SRL: variants seen among roughly 807,000 people sequenced by gnomAD.
The protein encoded by SRL is sarcalumenin.
A neutral mutation model predicts 39.5 loss-of-function variants in SRL; 23 were observed. The observed-to-expected ratio is 0.58, with a 90% CI of 0.42 to 0.82. SRL has a LOEUF of 0.82. Ranked by LOEUF, SRL falls within the 40% of genes least tolerant of loss-of-function variation. The pLI, the probability that SRL is intolerant of heterozygous loss-of-function variation, is 0.00. For synonymous variants in SRL, 272 were observed against 237.4 expected, an observed-to-expected ratio of 1.15 and a Z score of -1.34; for missense variants, 592 against 607.8, an observed-to-expected ratio of 0.97 and a Z score of 0.27.
chr16:4,225,665 T>C (rs1320410797), intron 1 of SRL, among the ~76,000 whole-genome samples: 3 of 152,160 alleles, frequency 2.0e-5, no homozygotes, highest in Admixed American at 1.3e-4. Flanking sequence ...CAACCATTTC[T>C]TAACACCCCT....
At chr16:4,228,436 GAAAC>G (rs1228447455) in intron 1 of SRL, among the ~76,000 whole-genome samples, 1 of 150,470 alleles carries the variant, frequency 6.6e-6, no homozygotes, top group East Asian at 2.0e-4. Flanking sequence ...ACTCCACCTT[GAAAC>G]AAACAAACAA....
intron 1 of SRL, among the ~76,000 whole-genome samples, chr16:4,223,231 CA>C (rs34513855): frequency 0.38 from 36,180 of 96,016 alleles, 4,502 homozygotes; most frequent in Middle Eastern, 0.48. Context: ...AACTCTGTCT[CA>C]AAAAAAAAAA....
intron 5 of SRL, among the ~76,000 whole-genome samples, chr16:4,194,577 TG>T (rs2052111147): frequency 6.6e-6 from 1 of 152,274 alleles, no homozygotes; most frequent in Non-Finnish European, 1.5e-5. Context: ...TCAAACATAC[TG>T]GTACTGGGAT....
chr16:4,215,422 A>G (rs543006733), intron 1 of SRL, among the ~76,000 whole-genome samples: 1 of 152,370 alleles, frequency 6.6e-6, no homozygotes, highest in South Asian at 2.1e-4. Context: ...TGACAAAGGT[A>G]GCAATCAGAA....
At chr16:4,229,518 T>C (rs1301788184) in intron 1 of SRL, among the ~76,000 whole-genome samples, 1 of 151,976 alleles carries the variant, frequency 6.6e-6, no homozygotes, top group Non-Finnish European at 1.5e-5. Context: ...CCCAAGCGAA[T>C]TAAGGCAGAA....
rs555911990 is a variant in SRL at position 4,230,547 on chromosome 16, A to ATT, written c.61+11458_61+11459dup. On this transcript the variant is annotated intron_variant, in intron 1 of 5. Transcript: ENST00000399609. ...AGGCGGGCACCACTATGACTGGCTA[A>ATT]TTTTTTTTTTTTTGTATCTTTAGTA... 6.1e-3 allele frequency among the ~76,000 whole-genome samples: 885 copies of ATT among 144,486 alleles called. 11 individuals carry two copies. Among genetic ancestry groups the ATT allele is most frequent in the African/African-American group, 0.021 (809 of 39,428 alleles). 94.8% of individuals were successfully genotyped at this position (144,486 alleles called of 152,430 possible).
intron 3 of SRL, among the ~76,000 whole-genome samples, chr16:4,198,859 G>A (rs988547132): frequency 1.3e-5 from 2 of 152,148 alleles, no homozygotes; most frequent in Non-Finnish European, 2.9e-5. Context: ...ATGTCCTTCC[G>A]AAGGCCATGT....
chr16:4,235,487 G>T (rs999701882), intron 1 of SRL, among the ~76,000 whole-genome samples: 1 of 152,178 alleles, frequency 6.6e-6, no homozygotes, highest in East Asian at 1.9e-4. Context: ...CTTGAGCCCA[G>T]GAGTTTGAGA....
At chr16:4,197,524 C>G (rs1169896435) in intron 4 of SRL, among the ~76,000 whole-genome samples, 1 of 148,870 alleles carries the variant, frequency 6.7e-6, no homozygotes, top group Non-Finnish European at 1.5e-5. Context: ...TAGGTTCAAG[C>G]AATTCTCATG....
chr16:4,214,288 G>A (rs977507427), intron 1 of SRL, among the ~76,000 whole-genome samples: 14 of 152,224 alleles, frequency 9.2e-5, no homozygotes, highest in East Asian at 1.9e-4. Context: ...ACAAGTACCT[G>A]CCAAGGTTAT....
intron 1 of SRL, 71 bp downstream of exon 1, chr16:4,241,934 CAT>C: frequency 6.4e-7 from 1 of 1,563,906 alleles, no homozygotes; most frequent in South Asian, 1.1e-5. Flanking sequence ...CTACCCAACC[CAT>C]GGTAGACAGA....
At chr16:4,211,033 C>G (rs2052385955) in intron 1 of SRL, among the ~76,000 whole-genome samples, 1 of 152,164 alleles carries the variant, frequency 6.6e-6, no homozygotes, top group South Asian at 2.1e-4. Flanking sequence ...CACTGCCTCA[C>G]AAACTGCCCC....
chr16:4,228,209 CAGGTGGATCACGAGGT>C (rs2052613357), intron 1 of SRL, among the ~76,000 whole-genome samples: 2 of 120,044 alleles, frequency 1.7e-5, no homozygotes, highest in Admixed American at 1.7e-4. Flanking sequence ...AAGACTGAGG[CAGGTGGATCACGAGGT>C]CAGGAGTTCA....
chr16:4,220,524 C>T (rs2141054932), intron 1 of SRL, among the ~76,000 whole-genome samples: 1 of 152,284 alleles, frequency 6.6e-6, no homozygotes, highest in East Asian at 1.9e-4. Context: ...TCCCCAGACC[C>T]CTTAACCCCA....
chr16:4,216,474 G>T (rs982633165), intron 1 of SRL, among the ~76,000 whole-genome samples: 1 of 152,010 alleles, frequency 6.6e-6, no homozygotes, highest in South Asian at 2.1e-4. Context: ...GTTTCACCAC[G>T]TTTGCCAGGC....
At chr16:4,238,674 G>C (rs113116269) in intron 1 of SRL, among the ~76,000 whole-genome samples, 1 of 150,964 alleles carries the variant, frequency 6.6e-6, no homozygotes, top group South Asian at 2.1e-4. Flanking sequence ...ACCCAGGCTG[G>C]AGTCAGTGAT....
chr16:4,228,579 C>CA (rs1184072901), intron 1 of SRL, among the ~76,000 whole-genome samples: 18 of 150,982 alleles, frequency 1.2e-4, no homozygotes, highest in South Asian at 2.1e-4. Context: ...ACTAAAAATA[C>CA]AAAAAATTAG....
Position 4,190,089 on chromosome 16 carries a change from T to C in SRL, c.*2064A>G. ...GTTCTTTCCTGGTCGACTCGTTCCT[T>C]GGAAACATTGTCCTGAGTGCCCTGG... On this transcript the variant is annotated 3_prime_UTR_variant, in exon 6 of 6. Transcript: ENST00000399609. 1 of 396,532 alleles carries C rather than the reference T, an allele frequency of 2.5e-6. No individual in the cohort carries two copies. Among genetic ancestry groups the C allele is most frequent in the East Asian group, 3.6e-5 (1 of 28,006 alleles). The allele number at this position is 396,532 out of a possible 1,614,324, so 24.6% of individuals were successfully genotyped here.
At chr16:4,197,524 C>A (rs1169896435) in intron 4 of SRL, among the ~76,000 whole-genome samples, 1 of 148,870 alleles carries the variant, frequency 6.7e-6, no homozygotes, top group Non-Finnish European at 1.5e-5. Context: ...TAGGTTCAAG[C>A]AATTCTCATG....
Sources: allele counts gnomAD v4.1 joint callset (sites outside exome capture counted in the v4.1 genomes callset), GRCh38; gene constraint gnomAD v4.1.1; transcripts MANE v1.5; gene names NCBI Gene and HGNC (gene_info 2026-07-23, HGNC 2026-07-21).